ARHGEF33: variants seen among roughly 807,000 people sequenced by gnomAD.
ARHGEF33 encodes Rho guanine nucleotide exchange factor 33, also known as DH and coiled-coil domain-containing protein ENSP00000381780.
A neutral mutation model predicts 101.9 loss-of-function variants in ARHGEF33; 72 were observed. That is an observed-to-expected ratio of 0.71 (90% CI 0.58 to 0.86). ARHGEF33 has a LOEUF of 0.86. Among genes scored for constraint, ARHGEF33 ranks in the 40% least tolerant of loss-of-function variants. ARHGEF33 has a pLI of 0.00. For synonymous variants in ARHGEF33, 499 were observed against 442.5 expected, an observed-to-expected ratio of 1.13 and a Z score of -1.60; for missense variants, 1,169 against 1,111.3, an observed-to-expected ratio of 1.05 and a Z score of -0.74.
chr2:38,941,843 C>T (rs1180547255), intron 9 of ARHGEF33, among the ~76,000 whole-genome samples: 1 of 152,114 alleles, frequency 6.6e-6, no homozygotes, highest in Non-Finnish European at 1.5e-5. Flanking sequence ...CTGTGCCCAG[C>T]CCGTTACCTG....
chr2:38,908,521 A>G (rs573417087), intron 2 of ARHGEF33, among the ~76,000 whole-genome samples: 45 of 152,312 alleles, frequency 3.0e-4, no homozygotes, highest in Admixed American at 9.8e-4. Flanking sequence ...TGACTGATGT[A>G]GACACATATT....
intron 17 of ARHGEF33, among the ~76,000 whole-genome samples, chr2:38,966,560 G>C (rs907684772): frequency 6.6e-6 from 1 of 152,148 alleles, no homozygotes; most frequent in South Asian, 2.1e-4. Flanking sequence ...GGATCTCAGC[G>C]CTTCTGCATT....
rs957529482 is a variant in ARHGEF33, at chr2:38,957,972, A to T, written c.1371-62A>T. On this transcript the variant is annotated intron_variant, in intron 14 of 17. Coordinates refer to ENST00000409978, the MANE Select transcript of ARHGEF33 (RefSeq NM_001145451.5). ...ATCTCTCTATCTTTTTTGGCATAAT[A>T]TGTGTTCAGAGAGCCAGTTTGCCAC... is the stretch of plus-strand genomic sequence containing the variant. The T allele has an allele frequency of 3.3e-6, 5 of 1,520,782 alleles. No homozygotes were observed. In the Admixed American group the frequency reaches 6.0e-5, roughly 18 times the overall value. The allele number at this position is 1,520,782 out of a possible 1,614,324, so 94.2% of individuals were successfully genotyped here. A position where few individuals can be genotyped will look rare whatever the true frequency, so the allele number is the denominator to read the frequency against.
In ARHGEF33 at chr2:38,958,095, G is replaced by T. The variant is rs909615463; in HGVS notation, c.1432G>T (p.Ala478Ser). ...CCAGTGTGCCAATGCTGGGCAAGATGCTTCCCCCACTGCAGGTCCTGAGGC... is the reference window on the plus strand; with the variant it reads ...CCAGTGTGCCAATGCTGGGCAAGATTCTTCCCCCACTGCAGGTCCTGAGGC... ...ASQCANAGQD[A>S]SPTAGPEAVR... Residue 478 changes from alanine (A) to serine (S), a missense_variant, in exon 15 of 18, where the codon GCT becomes TCT. Transcript: ENST00000409978. 6.4e-7 allele frequency: 1 copy of T among 1,552,188 alleles called. No homozygotes were observed. Among genetic ancestry groups the T allele is most frequent in the African/African-American group, 1.4e-5 (1 of 73,176 alleles).
chr2:38,948,725 A>G (rs950959011), intron 10 of ARHGEF33, among the ~76,000 whole-genome samples: 2 of 152,268 alleles, frequency 1.3e-5, no homozygotes, highest in African/African-American at 4.8e-5. Flanking sequence ...GGGTCACACC[A>G]GGACTATTAC....
chr2:38,948,731 A>G (rs1194269249), intron 10 of ARHGEF33, among the ~76,000 whole-genome samples: 4 of 152,230 alleles, frequency 2.6e-5, no homozygotes, highest in African/African-American at 7.2e-5. Flanking sequence ...CACCAGGACT[A>G]TTACACAAAG....
chr2:38,934,915 T>C (rs1009807184), intron 7 of ARHGEF33, among the ~76,000 whole-genome samples: 2 of 151,904 alleles, frequency 1.3e-5, no homozygotes, highest in Non-Finnish European at 2.9e-5. Flanking sequence ...AGTTCGCTTA[T>C]GGGTACTGAG....
intron 7 of ARHGEF33, among the ~76,000 whole-genome samples, chr2:38,934,234 A>T (rs999566180): frequency 8.6e-5 from 13 of 151,912 alleles, no homozygotes; most frequent in African/African-American, 3.1e-4. Context: ...TGCTTCTTTG[A>T]TTTTACACCT....
chr2:38,920,145 C>A (rs759033257), intron 3 of ARHGEF33, among the ~76,000 whole-genome samples: 1 of 152,092 alleles, frequency 6.6e-6, no homozygotes, highest in Non-Finnish European at 1.5e-5. Flanking sequence ...TTTCCTGTAC[C>A]AGCATGCCTT....
At chr2:38,919,550 C>A in intron 3 of ARHGEF33, 78 bp downstream of exon 3, 1 of 1,356,874 alleles carries the variant, frequency 7.4e-7, no homozygotes, top group South Asian at 1.3e-5. Context: ...ACCACTGTCT[C>A]GAGACATGAC....
At chr2:38,926,476 T>C (rs1277694688) in intron 4 of ARHGEF33, among the ~76,000 whole-genome samples, 1 of 152,174 alleles carries the variant, frequency 6.6e-6, no homozygotes, top group Non-Finnish European at 1.5e-5. Context: ...GTATCAGGTG[T>C]GTGTTCTCCT....
chr2:38,966,070 C>G lies in ARHGEF33; in HGVS notation c.2408C>G (p.Ser803Cys). The G allele has an allele frequency of 1.9e-6, 3 of 1,551,722 alleles. No individual in the cohort carries two copies. The highest frequency in any genetic ancestry group is 2.4e-5 in the East Asian group (1 of 40,924). Residue 803 changes from serine (S) to cysteine (C), a missense_variant, in exon 17 of 18, where the codon TCT (serine) becomes TGT (cysteine). Coordinates refer to ENST00000409978, the MANE Select transcript of ARHGEF33 (RefSeq NM_001145451.5). ...PKEERESEQT[S>C]FSDQNPRQDQ... is the part of the protein sequence containing the mutation. ...GAAGAAAGAGAAAGTGAACAAACATCTTTCAGCGATCAAAATCCCAGGCAA... is the reference window on the plus strand; with the variant it reads ...GAAGAAAGAGAAAGTGAACAAACATGTTTCAGCGATCAAAATCCCAGGCAA...
chr2:38,929,854 C>T, intron 6 of ARHGEF33, 24 bp downstream of exon 6: 2 of 1,548,402 alleles, frequency 1.3e-6, no homozygotes, highest in Non-Finnish European at 1.7e-6. Flanking sequence ...AAAAATGTAC[C>T]AAAGGCAAAC....
chr2:38,960,165 C>T lies in ARHGEF33; in HGVS notation c.1860C>T (p.Gly620=). ...PAAYEEFEYG[G]EIFALPAPYD... Reference sequence around the variant, plus strand: ...CCTACGAAGAGTTCGAGTACGGCGGCGAGATCTTCGCGCTGCCCGCGCCCT... The same window carrying T: ...CCTACGAAGAGTTCGAGTACGGCGGTGAGATCTTCGCGCTGCCCGCGCCCT... The change falls in exon 16 of 18, where the codon GGC becomes GGT. Residue 620 remains glycine (G), a synonymous_variant. Coordinates refer to ENST00000409978, the MANE Select transcript of ARHGEF33 (RefSeq NM_001145451.5). The T allele has an allele frequency of 6.5e-7, 1 of 1,542,582 alleles. No homozygotes were observed. The highest frequency in any genetic ancestry group is 2.5e-5 in the East Asian group (1 of 40,778).
At chr2:38,915,912 G>C (rs1397142926) in intron 2 of ARHGEF33, among the ~76,000 whole-genome samples, 1 of 152,122 alleles carries the variant, frequency 6.6e-6, no homozygotes, top group Admixed American at 6.5e-5. Flanking sequence ...TATAGTCTGA[G>C]CTGCTTGGGA....
intron 3 of ARHGEF33, among the ~76,000 whole-genome samples, 179 bp downstream of exon 3, chr2:38,919,651 A>G (rs1238700946): frequency 6.6e-6 from 1 of 152,204 alleles, no homozygotes; most frequent in Non-Finnish European, 1.5e-5. Context: ...TGCTATTAGA[A>G]TTTGGTCTGT....
chr2:38,960,597 C>T lies in ARHGEF33; in HGVS notation c.2292C>T (p.Phe764=), dbSNP rs1252064110. 7.1e-7 allele frequency: 1 copy of T among 1,405,612 alleles called. No homozygotes were observed. Among genetic ancestry groups the T allele is most frequent in the Non-Finnish European group, 9.4e-7 (1 of 1,064,648 alleles). 87.1% of individuals were successfully genotyped at this position (1,405,612 alleles called of 1,614,324 possible). A position where few individuals can be genotyped will look rare whatever the true frequency, so the allele number is the denominator to read the frequency against. ...VAARGASRTF[F]PQQRSQSEKQ... is the part of the protein sequence containing the mutation. ...CCCGCGGCGCATCCAGGACCTTCTT[C>T]CCCCAACAGAGGTCCCAAAGCGAAA... The change falls in exon 16 of 18, where the codon TTC becomes TTT. Residue 764 remains phenylalanine (F), a synonymous_variant. Transcript: ENST00000409978.
intron 1 of ARHGEF33, among the ~76,000 whole-genome samples, chr2:38,893,639 A>T (rs137876681): frequency 6.6e-6 from 1 of 152,162 alleles, no homozygotes; most frequent in Non-Finnish European, 1.5e-5. Context: ...ACAGTTATTT[A>T]TGTGTCTCAT....
intron 10 of ARHGEF33, among the ~76,000 whole-genome samples, chr2:38,945,040 TTGG>T (rs1400304716): frequency 1.3e-5 from 2 of 152,160 alleles, no homozygotes; most frequent in African/African-American, 4.8e-5. Flanking sequence ...AAAGTAAGAC[TTGG>T]TGAAAAAGAT....
Sources: allele counts gnomAD v4.1 joint callset (sites outside exome capture counted in the v4.1 genomes callset), GRCh38; gene constraint gnomAD v4.1.1; transcripts MANE v1.5; gene names NCBI Gene and HGNC (gene_info 2026-07-23, HGNC 2026-07-21).